The following PLPPR5 variants were observed in gnomAD, a reference collection of about 807,000 sequenced individuals.
The protein encoded by PLPPR5 is phospholipid phosphatase-related protein type 5.
A neutral mutation model predicts 33.9 loss-of-function variants in PLPPR5; 16 were observed. The ratio of observed to expected loss-of-function variants is 0.47; its 90% CI spans 0.32 to 0.72. The LOEUF is 0.72. Ranked by LOEUF, PLPPR5 falls within the 30% of genes least tolerant of loss-of-function variation. The pLI is 0.03. For missense variants in PLPPR5, 301 were observed against 406.7 expected (o/e 0.74, Z 2.23); for synonymous variants, 163 against 150.3 (o/e 1.08, Z -0.62).
rs753692350 is a variant in PLPPR5 at position 99,004,471 on chromosome 1, G to T, written c.201C>A (p.Leu67=). ...PEDSSAVPPV[L]LYSLAAGVPV... The stretch of plus-strand genomic sequence containing the variant: ...GGACCCCGGCGGCCAGCGAGTAGAG[G>T]AGCACGGGGGGCACGGCGCTGCTGT... Residue 67 remains leucine, a synonymous_variant, in exon 1 of 6, where the codon CTC becomes CTA. Coordinates refer to ENST00000263177, the MANE Select transcript of PLPPR5 (RefSeq NM_001037317.2). The T allele has an allele frequency of 6.2e-6, 10 of 1,611,740 alleles. No homozygotes were observed. The South Asian group carries it at 1.1e-4, about 18-fold the overall frequency.
intron 5 of PLPPR5, 27 bp from the exon 6 acceptor site, chr1:98,893,131 G>C: frequency 1.2e-6 from 2 of 1,607,820 alleles, no homozygotes; most frequent in Non-Finnish European, 1.7e-6. Flanking sequence ...GAATGACAAA[G>C]TGAGAGGCTT....
At chr1:98,973,564 T>C (rs1651737127) in intron 1 of PLPPR5, among the ~76,000 whole-genome samples, 1 of 152,010 alleles carries the variant, frequency 6.6e-6, no homozygotes, top group South Asian at 2.1e-4. Context: ...TCATGTAATT[T>C]ATCATTCAAA....
At chr1:98,950,048 G>T (rs1650720144) in intron 3 of PLPPR5, among the ~76,000 whole-genome samples, 1 of 152,194 alleles carries the variant, frequency 6.6e-6, no homozygotes, top group African/African-American at 2.4e-5. Context: ...CTGGTATTAT[G>T]CAGGAAAGAA....
At chr1:98,930,130 T>C (rs1649911103) in intron 3 of PLPPR5, among the ~76,000 whole-genome samples, 2 of 152,084 alleles carry the variant, frequency 1.3e-5, no homozygotes, top group Non-Finnish European at 2.9e-5. Flanking sequence ...CACAAGACAT[T>C]TGGGTGAATT....
chr1:98,916,424 A>G (rs1649353586), intron 4 of PLPPR5, among the ~76,000 whole-genome samples: 1 of 152,138 alleles, frequency 6.6e-6, no homozygotes, highest in Non-Finnish European at 1.5e-5. Context: ...CAGCTTCATG[A>G]CCCCACAAAG....
At chr1:98,926,120 T>C (rs1649749328) in intron 3 of PLPPR5, among the ~76,000 whole-genome samples, 1 of 152,246 alleles carries the variant, frequency 6.6e-6, no homozygotes, top group African/African-American at 2.4e-5. Context: ...CTTTTACTGT[T>C]CGCCTCTTTT....
At chr1:98,965,250 A>G (rs1431500758) in intron 1 of PLPPR5, among the ~76,000 whole-genome samples, 1 of 152,112 alleles carries the variant, frequency 6.6e-6, no homozygotes, top group Non-Finnish European at 1.5e-5. Context: ...ACCTGATAGA[A>G]GCCTTGCACC....
chr1:98,900,058 A>G (rs987764505), intron 5 of PLPPR5, among the ~76,000 whole-genome samples: 1 of 151,966 alleles, frequency 6.6e-6, no homozygotes, highest in African/African-American at 2.4e-5. Flanking sequence ...TAAAATCCCA[A>G]CTTAACTCCT....
chr1:98,920,791 A>G (rs547431717), intron 4 of PLPPR5, among the ~76,000 whole-genome samples: 35 of 152,274 alleles, frequency 2.3e-4, no homozygotes, highest in African/African-American at 8.4e-4. Flanking sequence ...AGTTACATGT[A>G]AGGGCAATTT....
intron 1 of PLPPR5, among the ~76,000 whole-genome samples, chr1:98,964,051 C>T (rs188379607): frequency 6.6e-6 from 1 of 152,250 alleles, no homozygotes; most frequent in East Asian, 1.9e-4. Context: ...ATTCTGGAAT[C>T]ACGCGCTACC....
intron 3 of PLPPR5, among the ~76,000 whole-genome samples, chr1:98,922,375 C>G (rs1209088189): frequency 6.6e-6 from 1 of 152,048 alleles, no homozygotes; most frequent in South Asian, 2.1e-4. Context: ...TTACTGTATC[C>G]ATTCTTGTTT....
At chr1:98,997,440 A>G (rs770904035) in intron 1 of PLPPR5, among the ~76,000 whole-genome samples, 53 of 152,148 alleles carry the variant, frequency 3.5e-4, no homozygotes, top group Non-Finnish European at 6.2e-4. Flanking sequence ...AATATGATAC[A>G]CGACATACTT....
chr1:98,988,899 T>C (rs1205843564), intron 1 of PLPPR5, among the ~76,000 whole-genome samples: 1 of 152,152 alleles, frequency 6.6e-6, no homozygotes, highest in East Asian at 1.9e-4. Flanking sequence ...CAGATCATTA[T>C]ATGAACTAAG....
At chr1:98,925,827 G>A (rs973537833) in intron 3 of PLPPR5, among the ~76,000 whole-genome samples, 1 of 152,134 alleles carries the variant, frequency 6.6e-6, no homozygotes, top group African/African-American at 2.4e-5. Flanking sequence ...GGAAATGGTG[G>A]GGGAAAGGTG....
intron 5 of PLPPR5, among the ~76,000 whole-genome samples, chr1:98,908,644 G>T (rs1313598467): frequency 6.6e-6 from 1 of 152,138 alleles, no homozygotes; most frequent in Non-Finnish European, 1.5e-5. Flanking sequence ...TCCTTGGGTG[G>T]ATGGGGGGTT....
intron 4 of PLPPR5, among the ~76,000 whole-genome samples, chr1:98,917,139 C>G (rs1018123141): frequency 1.3e-5 from 2 of 152,104 alleles, no homozygotes; most frequent in African/African-American, 4.8e-5. Flanking sequence ...AGGCAACATG[C>G]CACCCCACTC....
At chr1:98,973,990 T>G (rs934834027) in intron 1 of PLPPR5, among the ~76,000 whole-genome samples, 2 of 151,744 alleles carry the variant, frequency 1.3e-5, no homozygotes, top group Non-Finnish European at 2.9e-5. Context: ...CCAGGAAGCG[T>G]CTGGTGTAGT....
intron 5 of PLPPR5, among the ~76,000 whole-genome samples, chr1:98,900,893 G>T (rs923669767): frequency 4.6e-5 from 7 of 151,928 alleles, no homozygotes; most frequent in African/African-American, 1.7e-4. Context: ...AAATCATAAG[G>T]GCCATTAGAA....
At chr1:98,951,163 G>A (rs1213107225) in intron 3 of PLPPR5, among the ~76,000 whole-genome samples, 2 of 152,302 alleles carry the variant, frequency 1.3e-5, no homozygotes, top group East Asian at 1.9e-4. Flanking sequence ...AAATTTAGAC[G>A]TGATGGCAAT....
Sources: allele counts gnomAD v4.1 joint callset (sites outside exome capture counted in the v4.1 genomes callset), GRCh38; gene constraint gnomAD v4.1.1; transcripts MANE v1.5; gene names NCBI Gene and HGNC (gene_info 2026-07-23, HGNC 2026-07-21).